Variants in RSPH9 observed in about 807,000 individuals in gnomAD.
The protein encoded by RSPH9 is radial spoke head protein 9 homolog.
In RSPH9, 27 loss-of-function variants were observed where a neutral mutation model predicts 27.0. That is an observed-to-expected ratio of 1.00 (90% CI 0.74 to 1.38). The LOEUF (loss-of-function observed/expected upper bound fraction) is 1.38, where lower values mean the gene tolerates loss of function less well. RSPH9 is among the 40% of genes most tolerant of loss of function. The pLI, the probability that RSPH9 is intolerant of heterozygous loss-of-function variation, is 0.00. For missense variants in RSPH9, 347 were observed against 357.4 expected, an observed-to-expected ratio of 0.97 and a Z score of 0.24; for synonymous variants, 145 against 147.7, an observed-to-expected ratio of 0.98 and a Z score of 0.13.
At chr6:43,670,104 G>A (rs993763305) in intron 4 of RSPH9, among the ~76,000 whole-genome samples, 1 of 152,230 alleles carries the variant, frequency 6.6e-6, no homozygotes, top group African/African-American at 2.4e-5. Context: ...ACTAGAACTG[G>A]TGACTGCACT....
At position 43,658,080 on chromosome 6, in the gene RSPH9, A is replaced by G. The variant is rs550507413; in HGVS notation, c.670+1357A>G. ...CAAGGTGGGCAGATCACTGGAGGTC[A>G]GGAGTTCGAGACCAGTCTGGCCAAC... On this transcript the variant is annotated intron_variant, in intron 4 of 4. Transcript: ENST00000372163. Among the ~76,000 whole-genome samples the G allele has an allele frequency of 2.6e-5, 4 of 152,298 alleles. No individual in the cohort carries two copies. In the East Asian group the frequency reaches 7.7e-4, roughly 29 times the overall value.
At chr6:43,652,736 T>G (rs1422483649) in intron 2 of RSPH9, among the ~76,000 whole-genome samples, 7 of 151,588 alleles carry the variant, frequency 4.6e-5, no homozygotes, top group African/African-American at 1.7e-4. Flanking sequence ...TCCGGTTTTT[T>G]TTTTTTTTTT....
At chr6:43,669,465 T>C (rs1773491870) in intron 4 of RSPH9, among the ~76,000 whole-genome samples, 1 of 151,940 alleles carries the variant, frequency 6.6e-6, no homozygotes, top group Non-Finnish European at 1.5e-5. Context: ...GGGCACTGAG[T>C]TGTGAGGCTG....
At chr6:43,665,367 G>A (rs570455945) in intron 4 of RSPH9, among the ~76,000 whole-genome samples, 1 of 152,390 alleles carries the variant, frequency 6.6e-6, no homozygotes, top group South Asian at 2.1e-4. Context: ...GGCTGGGCAA[G>A]GTGGCCCATG....
intron 4 of RSPH9, among the ~76,000 whole-genome samples, chr6:43,664,464 A>G (rs796756061): frequency 6.6e-6 from 1 of 152,222 alleles, no homozygotes; most frequent in Admixed American, 6.5e-5. Flanking sequence ...GAGGGCCTAG[A>G]AGGCCAAGGC....
chr6:43,666,477 T>C, intron 4 of RSPH9: 1 of 1,550,464 alleles, frequency 6.4e-7, no homozygotes, highest in Non-Finnish European at 8.7e-7. Flanking sequence ...CAGGTGTGGT[T>C]TTGGTTGGCC....
intron 4 of RSPH9, among the ~76,000 whole-genome samples, chr6:43,659,801 C>T (rs901431934): frequency 4.0e-5 from 6 of 151,570 alleles, no homozygotes; most frequent in African/African-American, 1.2e-4. Flanking sequence ...GATGTCATCT[C>T]GGCTCACTGC....
rs139724683 is a variant in RSPH9, at chr6:43,668,842, C to A, written c.671-1947C>A. Among the ~76,000 whole-genome samples, 216 of 152,336 alleles carry A rather than the reference C, an allele frequency of 1.4e-3. 3 individuals carry two copies. The highest frequency in any genetic ancestry group is 5.0e-3 in the African/African-American group (207 of 41,584). ...GGGCTGAGGGACTGTCTTTATGGAG[C>A]CTGGTCCCTGACGATACTCTAGGCT... On this transcript the variant is annotated intron_variant, in intron 4 of 4. Coordinates refer to ENST00000372163, the MANE Select transcript of RSPH9 (RefSeq NM_152732.5).
chr6:43,655,609 T>A lies in RSPH9; in HGVS notation c.441T>A (p.Ile147=). The stretch of plus-strand genomic sequence containing the variant: ...GCTTGGTGTCTGTCATTGACCAGAT[T>A]GACAAGGCTGTGGCCATCATCCCCC... ...ETRLVSVIDQ[I]DKAVAIIPRG... is the part of the protein sequence containing the mutation. The change falls in exon 3 of 5, where the codon ATT becomes ATA. Residue 147 remains isoleucine (I), a synonymous_variant. Transcript: ENST00000372163. 6.2e-7 allele frequency: 1 copy of A among 1,614,142 alleles called. No homozygotes were observed. The highest frequency in any genetic ancestry group is 8.5e-7 in the Non-Finnish European group (1 of 1,180,024).
In RSPH9 at chr6:43,670,897, A is replaced by G. The variant is rs1582403657; in HGVS notation, c.779A>G (p.Tyr260Cys). 6.2e-7 allele frequency: 1 copy of G among 1,614,210 alleles called. No homozygotes were observed. The highest frequency in any genetic ancestry group is 1.6e-4 in the Middle Eastern group (1 of 6,062). Residue 260 changes from tyrosine (Y) to cysteine (C), a missense_variant, in exon 5 of 5, where the codon TAC becomes TGC. Transcript: ENST00000372163. The part of the protein sequence containing the change: ...YHAPRTKNYG[Y>C]VYVGTGEKNM... ...GCTCCCCGCACCAAGAACTATGGCT[A>G]CGTCTACGTGGGCACTGGCGAGAAG... is the stretch of plus-strand genomic sequence containing the variant.
At chr6:43,655,512 GTGCCTGGGCACAGT>G in intron 2 of RSPH9, 36 bp from the exon 3 acceptor site, 1 of 1,610,996 alleles carries the variant, frequency 6.2e-7, no homozygotes, top group Non-Finnish European at 8.5e-7. Flanking sequence ...TTGCGCCGGG[GTGCCTGGGCACAGT>G]GCCCTGGCAG....
intron 2 of RSPH9, 62 bp downstream of exon 2, chr6:43,650,602 G>C: frequency 6.3e-7 from 1 of 1,587,718 alleles, no homozygotes; most frequent in Non-Finnish European, 8.6e-7. Flanking sequence ...CCAAAACCCA[G>C]CCTAATAGAA....
chr6:43,664,170 T>A (rs140142654), intron 4 of RSPH9, among the ~76,000 whole-genome samples: 93 of 152,104 alleles, frequency 6.1e-4, no homozygotes, highest in African/African-American at 2.2e-3. Context: ...AAAACTGCAG[T>A]GTTTGTGAAG....
At chr6:43,666,443 G>C (rs973273554) in intron 4 of RSPH9, 38 of 1,550,544 alleles carry the variant, frequency 2.5e-5, no homozygotes, top group Non-Finnish European at 2.8e-5. Context: ...CAGTTGTTCA[G>C]GGTGACTTCA....
At chr6:43,651,984 C>T (rs899797943) in intron 2 of RSPH9, among the ~76,000 whole-genome samples, 5 of 152,014 alleles carry the variant, frequency 3.3e-5, no homozygotes, top group Admixed American at 1.3e-4. Flanking sequence ...TCTTGGGCCC[C>T]AGCATCAGGT....
intron 4 of RSPH9, among the ~76,000 whole-genome samples, chr6:43,663,581 G>A (rs1240174354): frequency 6.6e-6 from 1 of 152,148 alleles, no homozygotes; most frequent in Non-Finnish European, 1.5e-5. Flanking sequence ...AGGGTGGCCT[G>A]AGGAGAGGGA....
rs770913202 is a variant in RSPH9, at chr6:43,670,916, C to T, written c.798C>T (p.Gly266=). The stretch of plus-strand genomic sequence containing the variant: ...ATGGCTACGTCTACGTGGGCACTGG[C>T]GAGAAGAACATGGACTTGCCCTTCA... ...KNYGYVYVGT[G]EKNMDLPFML is the part of the protein sequence containing the mutation. The change falls in exon 5 of 5, where the codon GGC becomes GGT. Residue 266 remains glycine, a synonymous_variant. Transcript: ENST00000372163. 4.3e-5 allele frequency: 70 copies of T among 1,614,064 alleles called. No individual in the cohort carries two copies. The highest frequency in any genetic ancestry group is 1.2e-4 in the Admixed American group (7 of 60,004).
intron 2 of RSPH9, among the ~76,000 whole-genome samples, chr6:43,652,334 C>G (rs1221538984): frequency 6.6e-6 from 1 of 150,882 alleles, no homozygotes; most frequent in Non-Finnish European, 1.5e-5. Context: ...AAAATGGCAG[C>G]ATGTTATACA....
At chr6:43,657,632 C>T (rs1056309935) in intron 4 of RSPH9, among the ~76,000 whole-genome samples, 2 of 152,166 alleles carry the variant, frequency 1.3e-5, no homozygotes, top group South Asian at 2.1e-4. Flanking sequence ...GAGCAGCAAG[C>T]GACCCAACTG....
Sources: allele counts gnomAD v4.1 joint callset (sites outside exome capture counted in the v4.1 genomes callset), GRCh38; gene constraint gnomAD v4.1.1; transcripts MANE v1.5; gene names NCBI Gene and HGNC (gene_info 2026-07-23, HGNC 2026-07-21).